C20orf173: variants seen among roughly 807,000 people sequenced by gnomAD.
C20orf173 encodes the protein uncharacterized protein C20orf173.
Under a neutral mutation model 26.7 loss-of-function variants are expected in C20orf173, and 22 were observed. The observed-to-expected ratio is 0.82, with a 90% confidence interval of 0.59 to 1.18. The LOEUF is 1.18. Ranked by LOEUF, C20orf173 falls within the 50% of genes most tolerant of loss-of-function variation. The pLI is 0.00. For synonymous variants in C20orf173, 85 were observed against 96.4 expected (o/e 0.88, Z 0.69); for missense variants, 210 against 250.3 (o/e 0.84, Z 1.09).
downstream of C20orf173, chr20:35,521,038 G>A (rs2064471931): frequency 6.6e-6 from 1 of 152,402 alleles, no homozygotes; most frequent in Non-Finnish European, 1.5e-5. Context: ...AAGATGATCT[G>A]GTATTCTGCT....
At chr20:35,525,678 C>T (rs1222176107), downstream of C20orf173, among the ~76,000 whole-genome samples, 1 of 152,208 alleles carries the variant, frequency 6.6e-6, no homozygotes, top group Non-Finnish European at 1.5e-5. Flanking sequence ...GGGGCTTAGC[C>T]TGAGAGGGTT....
At chr20:35,526,501 C>T (rs117031609), downstream of C20orf173, among the ~76,000 whole-genome samples, 5 of 152,040 alleles carry the variant, frequency 3.3e-5, no homozygotes, top group Non-Finnish European at 7.4e-5. Context: ...TGGTGACATG[C>T]ATTTATAGTC....
chr20:35,525,567 G>A (rs6120967), downstream of C20orf173, among the ~76,000 whole-genome samples: 4 of 152,200 alleles, frequency 2.6e-5, no homozygotes, highest in East Asian at 7.7e-4. Flanking sequence ...AAAAAGATGA[G>A]GGAAATTTGG....
At position 35,529,603 on chromosome 20, in the gene C20orf173, G is replaced by GGGAA; in HGVS notation, c.-97_-96insTTCC. 1.8e-6 allele frequency: 1 copy of GGGAA among 560,042 alleles called. No homozygotes were observed. The allele number at this position is 560,042 out of a possible 1,614,324, so 34.7% of individuals were successfully genotyped here. On this transcript the variant is annotated 5_prime_UTR_variant, in exon 1 of 6. An upstream open reading frame in the 5' UTR loses its in-frame stop. Coordinates refer to ENST00000444723, the MANE Select transcript of C20orf173 (RefSeq NM_001145350.2). ...TGGGCATGGGGTGGAAGAGGCCAGG[G>GGGAA]CAGAGAGACAGCATGTGGCTAGTCC...
downstream of C20orf173, among the ~76,000 whole-genome samples, chr20:35,525,143 A>G (rs2064496109): frequency 6.6e-6 from 1 of 152,052 alleles, no homozygotes; most frequent in Non-Finnish European, 1.5e-5. Context: ...CTCACCCCTG[A>G]TACTTATAAA....
At chr20:35,525,273 C>T (rs943626901), downstream of C20orf173, among the ~76,000 whole-genome samples, 1 of 151,822 alleles carries the variant, frequency 6.6e-6, no homozygotes, top group Non-Finnish European at 1.5e-5. Flanking sequence ...GGAAATTGGC[C>T]GGGCGTGATG....
chr20:35,526,632 A>G (rs1166678698), downstream of C20orf173, among the ~76,000 whole-genome samples: 1 of 150,608 alleles, frequency 6.6e-6, no homozygotes, highest in African/African-American at 2.4e-5. Context: ...TTGTCTCAAA[A>G]AAAAAAAAAA....
At chr20:35,527,697 C>T (rs1227531229) in intron 5 of C20orf173, among the ~76,000 whole-genome samples, 12 of 152,018 alleles carry the variant, frequency 7.9e-5, no homozygotes, top group Admixed American at 7.9e-4. Flanking sequence ...CGGCTAACTG[C>T]AACCTCTGCC....
In C20orf173 at chr20:35,528,889, G is replaced by T. The variant is rs1208611479; in HGVS notation, c.310-10C>A. The T allele has an allele frequency of 6.4e-7, 1 of 1,551,436 alleles. No homozygotes were observed. Among genetic ancestry groups the T allele is most frequent in the Non-Finnish European group, 8.7e-7 (1 of 1,146,900 alleles). ...TCCCTGAGTTCATGCCCTGGAAACA[G>T]CAAGAGGGAGATTGGGGGCTGGGCC... On this transcript the variant is annotated splice_polypyrimidine_tract_variant and intron_variant, in intron 2 of 5. Coordinates refer to ENST00000444723, the MANE Select transcript of C20orf173 (RefSeq NM_001145350.2).
At chr20:35,524,468 A>G (rs1164497955), downstream of C20orf173, among the ~76,000 whole-genome samples, 1 of 152,172 alleles carries the variant, frequency 6.6e-6, no homozygotes, top group Non-Finnish European at 1.5e-5. Context: ...TTTTCTAAGA[A>G]CTGAATTGTT....
At position 35,529,594 on chromosome 20, in the gene C20orf173, G is replaced by A; in HGVS notation, c.-87C>T. ...GTCTCTGACTGGGCATGGGGTGGAA[G>A]AGGCCAGGGCAGAGAGACAGCATGT... On this transcript the variant is annotated 5_prime_UTR_variant, in exon 1 of 6. Coordinates refer to ENST00000444723, the MANE Select transcript of C20orf173 (RefSeq NM_001145350.2). 1.7e-6 allele frequency: 1 copy of A among 574,776 alleles called. No homozygotes were observed. The highest frequency in any genetic ancestry group is 2.9e-5 in the East Asian group (1 of 34,384). 35.6% of individuals were successfully genotyped at this position (574,776 alleles called of 1,614,324 possible). A position where few individuals can be genotyped will look rare whatever the true frequency, so the allele number is the denominator to read the frequency against.
downstream of C20orf173, among the ~76,000 whole-genome samples, chr20:35,525,649 G>T (rs2064498665): frequency 6.6e-6 from 1 of 152,216 alleles, no homozygotes; most frequent in African/African-American, 2.4e-5. Context: ...CTGATGCAGG[G>T]CAGGCAATCC....
At chr20:35,522,901 G>T (rs916584516), downstream of C20orf173, 1 of 152,692 alleles carries the variant, frequency 6.5e-6, no homozygotes, top group Non-Finnish European at 1.5e-5. Context: ...CTTGACCCAG[G>T]TTCCACCTAC....
chr20:35,525,813 T>C (rs572247333), downstream of C20orf173, among the ~76,000 whole-genome samples: 285 of 152,276 alleles, frequency 1.9e-3, no homozygotes, highest in African/African-American at 6.6e-3. Context: ...GTGCCCAGAG[T>C]TAGCAGCTCA....
downstream of C20orf173, among the ~76,000 whole-genome samples, chr20:35,525,140 CT>C (rs933712023): frequency 6.6e-6 from 1 of 151,914 alleles, no homozygotes; most frequent in African/African-American, 2.4e-5. Flanking sequence ...GTTCTCACCC[CT>C]GATACTTATA....
rs374865366 is a variant in C20orf173, at chr20:35,528,585, G to A, written c.489-41C>T. On this transcript the variant is annotated intron_variant, in intron 3 of 5. Coordinates refer to ENST00000444723, the MANE Select transcript of C20orf173 (RefSeq NM_001145350.2). ...CATTGTGTGTGGTTTGGTTCCCCAC[G>A]TCCATCTCAAAGCCCTGGACTTGGG... The A allele has an allele frequency of 2.2e-5, 34 of 1,549,016 alleles. 1 individual carries two copies. Among genetic ancestry groups the A allele is most frequent in the African/African-American group, 1.2e-4 (9 of 73,068 alleles).
At chr20:35,524,681 C>T (rs1568860242), downstream of C20orf173, among the ~76,000 whole-genome samples, 1 of 150,456 alleles carries the variant, frequency 6.6e-6, no homozygotes, top group African/African-American at 2.4e-5. Context: ...CTAAGACTAC[C>T]TTTTTTTGTT....
chr20:35,520,976 A>G (rs2064471478), downstream of C20orf173: 1 of 152,196 alleles, frequency 6.6e-6, no homozygotes, highest in African/African-American at 2.4e-5. Context: ...TGGGGACTCC[A>G]CTGGAAACAT....
downstream of C20orf173, among the ~76,000 whole-genome samples, chr20:35,526,646 A>G (rs536383707): frequency 2.7e-3 from 413 of 151,414 alleles, 8 homozygotes; most frequent in African/African-American, 9.7e-3. Flanking sequence ...AAAAAAAAAA[A>G]AAAAGCGAAT....
Sources: allele counts gnomAD v4.1 joint callset (sites outside exome capture counted in the v4.1 genomes callset), GRCh38; gene constraint gnomAD v4.1.1; transcripts MANE v1.5; gene names NCBI Gene and HGNC (gene_info 2026-07-23, HGNC 2026-07-21).